The following SLC25A53 variants were observed in gnomAD, a reference collection of about 807,000 sequenced individuals.
The protein encoded by SLC25A53 is solute carrier family 25 member 53.
Under a neutral mutation model 15.0 loss-of-function variants are expected in SLC25A53, and 5 were observed. The ratio of observed to expected loss-of-function variants is 0.33; its 90% CI spans 0.17 to 0.70. The LOEUF (loss-of-function observed/expected upper bound fraction) is 0.70. SLC25A53 is among the 30% of genes least tolerant of loss of function. The pLI, the probability that SLC25A53 is intolerant of heterozygous loss-of-function variation, is 0.67. For missense variants in SLC25A53, 216 were observed against 241.6 expected (o/e 0.89, Z 0.70); for synonymous variants, 95 against 100.0 (o/e 0.95, Z 0.30).
chrX:104,114,168 G>A, intron 1 of SLC25A53: 2 of 1,210,105 alleles, frequency 1.7e-6, no homozygotes, highest in Non-Finnish European at 2.2e-6. Flanking sequence ...CACCTTTGCC[G>A]CCTTGGGCCC....
chrX:104,121,102 G>C (rs782357227), intron 1 of SLC25A53, among the ~76,000 whole-genome samples: 1 of 112,103 alleles, frequency 8.9e-6, no homozygotes, highest in African/African-American at 3.2e-5. Flanking sequence ...ATGTCTGTAA[G>C]AGAGATTCAC....
chrX:104,152,154 G>A (rs996786574), intron 1 of SLC25A53, among the ~76,000 whole-genome samples: 7 of 108,913 alleles, frequency 6.4e-5, no homozygotes, highest in South Asian at 4.1e-4. Flanking sequence ...GTATACATGT[G>A]CCATGTTGGT....
chrX:104,114,882 C>T (rs782169722), intron 1 of SLC25A53: 2 of 1,205,977 alleles, frequency 1.7e-6, no homozygotes, highest in South Asian at 3.6e-5. Flanking sequence ...TAGCAATCAG[C>T]AGTGCTGACT....
chrX:104,101,611 T>C lies in SLC25A53; in HGVS notation c.*2723A>G, dbSNP rs1382195682. On this transcript the variant is annotated 3_prime_UTR_variant, in exon 2 of 2. Transcript: ENST00000594199. ...CACATATATTGTGTGAGTTTTCATT[T>C]TATTATATTCTGTAATAACTGTCCC... 1.1e-4 allele frequency: 12 copies of C among 112,688 alleles called. No individual in the cohort carries two copies. The highest frequency in any genetic ancestry group is 3.9e-4 in the African/African-American group (12 of 31,014). The allele number at this position is 112,688 out of a possible 1,213,427, so 9.3% of individuals were successfully genotyped here. A position where few individuals can be genotyped will look rare whatever the true frequency, so the allele number is the denominator to read the frequency against.
At chrX:104,114,966 G>A (rs782695183) in intron 1 of SLC25A53, 1 of 1,193,441 alleles carries the variant, frequency 8.4e-7, no homozygotes, top group Non-Finnish European at 1.1e-6. Flanking sequence ...TGGTGTCTCT[G>A]TACCCTTCAC....
chrX:104,142,703 C>T (rs1225472520), intron 1 of SLC25A53, among the ~76,000 whole-genome samples: 1 of 108,242 alleles, frequency 9.2e-6, no homozygotes, highest in Non-Finnish European at 1.9e-5. Flanking sequence ...TTCTCGAGGT[C>T]AGGAGATGGA....
intron 1 of SLC25A53, among the ~76,000 whole-genome samples, chrX:104,125,966 G>A (rs1337036970): frequency 8.9e-6 from 1 of 111,762 alleles, no homozygotes; most frequent in Admixed American, 9.5e-5. Context: ...AGTTATCTAT[G>A]GATTTAACAT....
chrX:104,146,681 A>G (rs1326203076), intron 1 of SLC25A53, among the ~76,000 whole-genome samples: 4 of 111,164 alleles, frequency 3.6e-5, no homozygotes, highest in African/African-American at 1.3e-4. Flanking sequence ...GAGCCAAATC[A>G]TGAGTGAACT....
intron 1 of SLC25A53, chrX:104,115,530 T>C (rs1388086513): frequency 2.7e-6 from 1 of 376,693 alleles, no homozygotes; most frequent in Non-Finnish European, 4.7e-6. Flanking sequence ...GGCTTAAGGG[T>C]CTATTCTCCA....
chrX:104,114,833 G>C, intron 1 of SLC25A53: 1 of 1,210,167 alleles, frequency 8.3e-7, no homozygotes, highest in Non-Finnish European at 1.1e-6. Flanking sequence ...ATAATGGAGA[G>C]GGCAGCCAGC....
intron 1 of SLC25A53, among the ~76,000 whole-genome samples, chrX:104,123,526 G>T (rs1390775372): frequency 9.2e-6 from 1 of 108,720 alleles, no homozygotes; most frequent in Non-Finnish European, 1.9e-5. Context: ...ATTCTTCTGT[G>T]TAGTTTGCTG....
At chrX:104,143,503 G>A (rs1190826663) in intron 1 of SLC25A53, among the ~76,000 whole-genome samples, 1 of 111,978 alleles carries the variant, frequency 8.9e-6, no homozygotes, top group Non-Finnish European at 1.9e-5. Flanking sequence ...AAGGATATCA[G>A]TGATTGAAGA....
chrX:104,149,736 T>C (rs1414276697), intron 1 of SLC25A53, among the ~76,000 whole-genome samples: 1 of 111,978 alleles, frequency 8.9e-6, no homozygotes, highest in Non-Finnish European at 1.9e-5. Flanking sequence ...CATTTGACCC[T>C]ACTTCTCAAT....
rs1220318845 is a variant in SLC25A53 at position 104,122,295 on chromosome X, CTTT to C, written c.-31-17010_-31-17008del. Among the ~76,000 whole-genome samples the C allele has an allele frequency of 8.8e-5, 8 of 90,737 alleles. No individual in the cohort carries two copies. In the East Asian group the frequency reaches 2.5e-3, roughly 28 times the overall value. The allele number at this position is 90,737 out of a possible 115,157, so 78.8% of individuals were successfully genotyped here. On this transcript the variant is annotated intron_variant, in intron 1 of 1. Coordinates refer to ENST00000594199, the MANE Select transcript of SLC25A53 (RefSeq NM_001012755.5). The stretch of plus-strand genomic sequence containing the variant: ...TTGTACATATTTAGATGTCTGATTT[CTTT>C]TTTTTGTTTTTTTTTTTTGTTTTTT...
chrX:104,150,979 A>T (rs2075483222), intron 1 of SLC25A53, among the ~76,000 whole-genome samples: 1 of 111,812 alleles, frequency 8.9e-6, no homozygotes, highest in Non-Finnish European at 1.9e-5. Flanking sequence ...AGCAGAGGTC[A>T]CTTCCCATCC....
intron 1 of SLC25A53, among the ~76,000 whole-genome samples, chrX:104,148,382 C>T (rs1206515383): frequency 9.2e-6 from 1 of 108,588 alleles, no homozygotes; most frequent in African/African-American, 3.4e-5. Context: ...AGCACACCAG[C>T]ATGGCACATG....
At chrX:104,118,024 A>G (rs1476062689) in intron 1 of SLC25A53, among the ~76,000 whole-genome samples, 1 of 111,721 alleles carries the variant, frequency 9.0e-6, no homozygotes, top group Middle Eastern at 4.2e-3. Context: ...TTACTTCACC[A>G]AAATGATGCA....
At chrX:104,150,466 A>G in intron 1 of SLC25A53, among the ~76,000 whole-genome samples, 1 of 111,475 alleles carries the variant, frequency 9.0e-6, no homozygotes, top group East Asian at 2.8e-4. Context: ...CCCGATGAAC[A>G]TAACAATTTC....
At chrX:104,151,591 A>T (rs782246727) in intron 1 of SLC25A53, among the ~76,000 whole-genome samples, 2 of 111,322 alleles carry the variant, frequency 1.8e-5, no homozygotes, top group African/African-American at 3.3e-5. Context: ...ACACATATTG[A>T]TTTAAAGTTT....
Sources: gnomAD v4.1 joint callset for allele counts (sites outside exome capture counted in the v4.1 genomes callset) on GRCh38, gnomAD v4.1.1 for gene constraint, MANE v1.5 for transcripts, NCBI Gene and HGNC (gene_info 2026-07-23, HGNC 2026-07-21) for gene names.